Variants in CDKAL1 observed in about 807,000 individuals in gnomAD.
CDKAL1 encodes CDKAL1 threonylcarbamoyladenosine tRNA methylthiotransferase.
In CDKAL1, 32 loss-of-function variants were observed where a neutral mutation model predicts 68.2. The observed-to-expected ratio is 0.47, with a 90% CI of 0.35 to 0.63. CDKAL1 has a LOEUF of 0.63. Among genes scored for constraint, CDKAL1 ranks in the 30% least tolerant of loss-of-function variants. The pLI is 0.00. For synonymous variants in CDKAL1, 234 were observed against 244.3 expected (o/e 0.96, Z 0.39); for missense variants, 606 against 696.7 (o/e 0.87, Z 1.47).
chr6:21,067,669 G>GT lies in CDKAL1; in HGVS notation c.1236+2448dup, dbSNP rs948592565. Among the ~76,000 whole-genome samples, 86 of 152,160 alleles carry GT rather than the reference G, an allele frequency of 5.7e-4. 3 individuals carry two copies. Among genetic ancestry groups the GT allele is most frequent in the African/African-American group, 2.0e-3 (82 of 41,512 alleles). On this transcript the variant is annotated intron_variant, in intron 12 of 15. Coordinates refer to ENST00000274695, the MANE Select transcript of CDKAL1 (RefSeq NM_017774.3). Reference sequence around the variant, plus strand: ...AAATACAGCTGACAGGGTTCTTCTTGTTTTTTTCTTTTGTTCCACTTGTGT... The same window carrying GT: ...AAATACAGCTGACAGGGTTCTTCTTGTTTTTTTTCTTTTGTTCCACTTGTGT...
intron 5 of CDKAL1, among the ~76,000 whole-genome samples, chr6:20,664,031 C>T (rs533156802): frequency 6.6e-6 from 1 of 152,042 alleles, no homozygotes; most frequent in Admixed American, 6.6e-5. Flanking sequence ...AAGAGTCTTA[C>T]AAAACTTGCT....
At chr6:20,721,405 A>G (rs1004455690) in intron 5 of CDKAL1, among the ~76,000 whole-genome samples, 5 of 152,028 alleles carry the variant, frequency 3.3e-5, no homozygotes, top group Non-Finnish European at 5.9e-5. Context: ...ACATTATTTC[A>G]TTCTTTTTAT....
intron 9 of CDKAL1, among the ~76,000 whole-genome samples, chr6:20,950,752 G>A (rs985422469): frequency 2.0e-5 from 3 of 152,036 alleles, no homozygotes; most frequent in Non-Finnish European, 4.4e-5. Flanking sequence ...GATCACCTGA[G>A]GTCAGCAGTT....
At chr6:21,165,884 A>C (rs1777130414) in intron 13 of CDKAL1, among the ~76,000 whole-genome samples, 1 of 152,194 alleles carries the variant, frequency 6.6e-6, no homozygotes, top group African/African-American at 2.4e-5. Flanking sequence ...AGGAAGCAAC[A>C]CTTGAACTTA....
chr6:20,909,956 C>A (rs1365376318), intron 9 of CDKAL1, among the ~76,000 whole-genome samples: 1 of 152,152 alleles, frequency 6.6e-6, no homozygotes, highest in Non-Finnish European at 1.5e-5. Flanking sequence ...TTTCACCTCC[C>A]CAGAAGATAA....
intron 4 of CDKAL1, among the ~76,000 whole-genome samples, chr6:20,613,423 T>A (rs2127724983): frequency 6.6e-6 from 1 of 150,724 alleles, no homozygotes. Flanking sequence ...TACAAGCATG[T>A]GCCACCATAC....
At chr6:20,713,672 C>T (rs1231339290) in intron 5 of CDKAL1, among the ~76,000 whole-genome samples, 2 of 152,034 alleles carry the variant, frequency 1.3e-5, no homozygotes, top group African/African-American at 4.8e-5. Context: ...TTTTTATGAT[C>T]GATTTTGACT....
chr6:20,705,775 T>C (rs1428683104), intron 5 of CDKAL1, among the ~76,000 whole-genome samples: 1 of 152,178 alleles, frequency 6.6e-6, no homozygotes, highest in East Asian at 1.9e-4. Flanking sequence ...CAGATCTAAC[T>C]TTATAGAAAA....
chr6:20,860,208 G>A (rs1305477614), intron 9 of CDKAL1, among the ~76,000 whole-genome samples: 1 of 152,076 alleles, frequency 6.6e-6, no homozygotes, highest in Non-Finnish European at 1.5e-5. Flanking sequence ...CTACTGAGTA[G>A]CTGGGATTAC....
chr6:20,757,773 T>C (rs1774286837), intron 6 of CDKAL1, among the ~76,000 whole-genome samples: 1 of 152,242 alleles, frequency 6.6e-6, no homozygotes, highest in Non-Finnish European at 1.5e-5. Context: ...TTTTTTGTGA[T>C]ATTTCTTCTG....
At chr6:21,156,532 A>G (rs925767467) in intron 13 of CDKAL1, among the ~76,000 whole-genome samples, 3 of 151,066 alleles carry the variant, frequency 2.0e-5, no homozygotes, top group South Asian at 2.1e-4. Flanking sequence ...TGCTTTTTCT[A>G]TATTTTTGAA....
chr6:20,799,667 T>G (rs1433435451), intron 8 of CDKAL1: 9 of 152,186 alleles, frequency 5.9e-5, no homozygotes, highest in Admixed American at 3.3e-4. Flanking sequence ...AGTATTGTAT[T>G]GCTACTGGAG....
intron 9 of CDKAL1, among the ~76,000 whole-genome samples, chr6:20,877,199 A>C (rs1243479310): frequency 6.6e-6 from 1 of 152,232 alleles, no homozygotes; most frequent in African/African-American, 2.4e-5. Context: ...AATGTGGAGC[A>C]CTTTACAAAA....
intron 9 of CDKAL1, among the ~76,000 whole-genome samples, chr6:20,894,307 C>T (rs975426476): frequency 2.0e-5 from 3 of 151,476 alleles, no homozygotes; most frequent in East Asian, 3.9e-4. Flanking sequence ...CCATACCATT[C>T]AGATGGTCTT....
At chr6:21,224,915 A>G (rs1314397491) in intron 15 of CDKAL1, among the ~76,000 whole-genome samples, 1 of 152,212 alleles carries the variant, frequency 6.6e-6, no homozygotes, top group Non-Finnish European at 1.5e-5. Context: ...AAGAAATGTA[A>G]GAATAGGTAA....
At chr6:20,891,248 A>C (rs944723557) in intron 9 of CDKAL1, among the ~76,000 whole-genome samples, 4 of 152,304 alleles carry the variant, frequency 2.6e-5, no homozygotes, top group South Asian at 2.1e-4. Flanking sequence ...CCAGTGTCTC[A>C]GTCCTTCCTC....
chr6:20,900,419 A>G (rs981389377), intron 9 of CDKAL1, among the ~76,000 whole-genome samples: 4 of 152,364 alleles, frequency 2.6e-5, no homozygotes, highest in African/African-American at 9.6e-5. Context: ...TGAGAAGCAC[A>G]AGGCTTCTCT....
chr6:21,166,316 G>A (rs533646865), intron 13 of CDKAL1, among the ~76,000 whole-genome samples: 1 of 152,270 alleles, frequency 6.6e-6, no homozygotes, highest in Admixed American at 6.5e-5. Flanking sequence ...ACTTTATTCT[G>A]TAGGTAATGA....
chr6:20,675,012 G>A (rs527832073), intron 5 of CDKAL1, among the ~76,000 whole-genome samples: 21 of 151,874 alleles, frequency 1.4e-4, no homozygotes, highest in Non-Finnish European at 2.6e-4. Flanking sequence ...GACATATAGT[G>A]TTAGTAGATT....
Sources: gnomAD v4.1 joint callset for allele counts (sites outside exome capture counted in the v4.1 genomes callset) on GRCh38, gnomAD v4.1.1 for gene constraint, MANE v1.5 for transcripts, NCBI Gene and HGNC (gene_info 2026-07-23, HGNC 2026-07-21) for gene names.